Variants in ACTN1 observed in about 807,000 individuals in gnomAD.
ACTN1 encodes the protein alpha-actinin-1.
Under a neutral mutation model 119.6 loss-of-function variants are expected in ACTN1, and 30 were observed. That is an observed-to-expected ratio of 0.25 (90% CI 0.19 to 0.34). The LOEUF is 0.34. Among genes scored for constraint, ACTN1 ranks in the 10% least tolerant of loss-of-function variants. The pLI is 1.00. For synonymous variants in ACTN1, 429 were observed against 472.6 expected (o/e 0.91, Z 1.20); for missense variants, 764 against 1,223.4 (o/e 0.62, Z 5.60).
chr14:68,908,068 C>G (rs568624479), intron 6 of ACTN1, among the ~76,000 whole-genome samples: 14 of 151,830 alleles, frequency 9.2e-5, no homozygotes, highest in African/African-American at 3.1e-4. Context: ...CCTCTTCCCC[C>G]AGGAGGTTAG....
intron 1 of ACTN1, chr14:68,978,667 C>T (rs2037155367): frequency 3.2e-6 from 1 of 316,100 alleles, no homozygotes; most frequent in East Asian, 6.8e-5. Context: ...TTGCAACAGC[C>T]GCAGGGTGGC....
rs549369906 is a variant in ACTN1, at chr14:68,926,303, AAGG to A, written c.106-634_106-632del. 1.5e-3 allele frequency among the ~76,000 whole-genome samples: 227 copies of A among 152,296 alleles called. 1 individual carries two copies. Among genetic ancestry groups the A allele is most frequent in the African/African-American group, 5.1e-3 (211 of 41,548 alleles). ...ATGAAGAGTTCCAGAAAGGGAATGTAAGGAGGTCAAATCAAAGACCATCAGCTT... is the reference window on the plus strand; with the variant it reads ...ATGAAGAGTTCCAGAAAGGGAATGTAAGGTCAAATCAAAGACCATCAGCTT... On this transcript the variant is annotated intron_variant, in intron 1 of 21. Coordinates refer to ENST00000394419, the MANE Select transcript of ACTN1 (RefSeq NM_001130004.2).
chr14:68,917,778 C>T (rs965795961), intron 3 of ACTN1, among the ~76,000 whole-genome samples: 1 of 152,184 alleles, frequency 6.6e-6, no homozygotes, highest in Non-Finnish European at 1.5e-5. Flanking sequence ...TTTAAAGGAA[C>T]TTTTCGTCGG....
At chr14:68,944,794 CA>C (rs1331414687) in intron 1 of ACTN1, among the ~76,000 whole-genome samples, 8 of 152,148 alleles carry the variant, frequency 5.3e-5, no homozygotes, top group African/African-American at 1.7e-4. Flanking sequence ...ACCAAGGCAC[CA>C]GGGGGTCTAC....
Position 68,927,710 on chromosome 14 carries a change from C to T in ACTN1, c.106-2038G>A, listed in dbSNP as rs552617867. ...GCGTATGTACCAAGCATCCTTCCTC[C>T]GCTGCTGGCACTGCAGGAGATGAGA... On this transcript the variant is annotated intron_variant, in intron 1 of 21. Coordinates refer to ENST00000394419, the MANE Select transcript of ACTN1 (RefSeq NM_001130004.2). Among the ~76,000 whole-genome samples, 36 of 152,320 alleles carry T rather than the reference C, an allele frequency of 2.4e-4. 1 individual carries two copies. The South Asian group carries it at 6.6e-3, about 28-fold the overall frequency.
At chr14:68,938,767 G>A (rs746948965) in intron 1 of ACTN1, among the ~76,000 whole-genome samples, 6 of 152,120 alleles carry the variant, frequency 3.9e-5, no homozygotes, top group African/African-American at 7.2e-5. Context: ...CAATGTCAGC[G>A]GTCAGCATGC....
chr14:68,920,868 C>T (rs2034606696), intron 3 of ACTN1, 138 bp downstream of exon 3: 2 of 1,202,740 alleles, frequency 1.7e-6, no homozygotes, highest in Non-Finnish European at 2.3e-6. Context: ...CCACAGGCGA[C>T]CAGATGGAGG....
intron 1 of ACTN1, among the ~76,000 whole-genome samples, chr14:68,929,782 C>T (rs1486652138): frequency 1.3e-5 from 2 of 152,196 alleles, no homozygotes; most frequent in East Asian, 1.9e-4. Flanking sequence ...AGGGAGGGGC[C>T]GCAAAACAGC....
intron 1 of ACTN1, among the ~76,000 whole-genome samples, chr14:68,935,665 C>A (rs2300879): frequency 0.16 from 24,208 of 152,112 alleles, 2,948 homozygotes; most frequent in East Asian, 0.65. Context: ...GGATTACAGG[C>A]ATGAGCCACC....
chr14:68,954,569 G>A lies in ACTN1; in HGVS notation c.105+24383C>T, dbSNP rs373576182. ...TCTCGAACTCCTGACCTCATGATCCGCCCACCTTGGCCTCCCAAAGTGCTG... is the reference window on the plus strand; with the variant it reads ...TCTCGAACTCCTGACCTCATGATCCACCCACCTTGGCCTCCCAAAGTGCTG... On this transcript the variant is annotated intron_variant, in intron 1 of 21. Transcript: ENST00000394419. 5.0e-4 allele frequency among the ~76,000 whole-genome samples: 76 copies of A among 152,030 alleles called. 1 individual carries two copies. The East Asian group carries it at 9.1e-3, about 18-fold the overall frequency.
intron 7 of ACTN1, among the ~76,000 whole-genome samples, chr14:68,903,244 TGC>T (rs1409449069): frequency 6.6e-6 from 1 of 152,230 alleles, no homozygotes; most frequent in South Asian, 2.1e-4. Context: ...TGGGTTTTTA[TGC>T]GTTTGAAAAT....
rs745580045 is a variant in ACTN1 at position 68,877,221 on chromosome 14, C to T, written c.2447G>A (p.Arg816His). 9.9e-6 allele frequency: 16 copies of T among 1,613,992 alleles called. No individual in the cohort carries two copies. Among genetic ancestry groups the T allele is most frequent in the East Asian group, 6.7e-5 (3 of 44,894 alleles). The change falls in exon 21 of 22, where the codon CGC (arginine) becomes CAC (histidine). Residue 816 changes from arginine to histidine, a missense_variant. This residue lies in a region of ACTN1 where 544 missense variants were observed against 912.0 expected (regional missense o/e 0.60). Transcript: ENST00000394419. Reference sequence around the variant, plus strand: ...GTTGGGGTCCACAATGCTCATGATGCGGGCAAATTCTGCTTCTCCCTGGAG... The same window carrying T: ...GTTGGGGTCCACAATGCTCATGATGTGGGCAAATTCTGCTTCTCCCTGGAG... Reference protein sequence around the residue: ...GYNMGEAEFARIMSIVDPNRL... With the variant: ...GYNMGEAEFAHIMSIVDPNRL...
rs753725900 is a variant in ACTN1, at chr14:68,932,513, CTTTTTT to C, written c.106-6847_106-6842del. Among the ~76,000 whole-genome samples, 59 of 87,294 alleles carry C rather than the reference CTTTTTT, an allele frequency of 6.8e-4. 1 individual carries two copies. The highest frequency in any genetic ancestry group is 6.8e-3 in the Middle Eastern group (1 of 148). The allele number at this position is 87,294 out of a possible 152,430, so 57.3% of individuals were successfully genotyped here. ...AGAGAACCCTGACTAATACACCCAG[CTTTTTT>C]TTTTTTTTTTTTTTTTTTTTAATTT... On this transcript the variant is annotated intron_variant, in intron 1 of 21. Transcript: ENST00000394419.
At chr14:68,974,575 C>T (rs886448852) in intron 1 of ACTN1, among the ~76,000 whole-genome samples, 6 of 152,044 alleles carry the variant, frequency 3.9e-5, no homozygotes, top group Non-Finnish European at 7.4e-5. Context: ...CACACACACA[C>T]GTGGCTGAAA....
chr14:68,977,615 G>T, intron 1 of ACTN1: 1 of 266,204 alleles, frequency 3.8e-6, no homozygotes, highest in Non-Finnish European at 7.4e-6. Context: ...CTCCGTTTCA[G>T]GGCCTAGGAT....
chr14:68,966,303 T>C (rs927016648), intron 1 of ACTN1, among the ~76,000 whole-genome samples: 1 of 152,180 alleles, frequency 6.6e-6, no homozygotes, highest in African/African-American at 2.4e-5. Flanking sequence ...ACACAGAATG[T>C]TGGCATCACC....
At chr14:68,934,874 A>C (rs2035412881) in intron 1 of ACTN1, among the ~76,000 whole-genome samples, 1 of 152,378 alleles carries the variant, frequency 6.6e-6, no homozygotes, top group South Asian at 2.1e-4. Flanking sequence ...TGCAAGTTTA[A>C]AACTATGTGG....
chr14:68,924,438 G>C (rs1422839865), intron 2 of ACTN1, among the ~76,000 whole-genome samples: 1 of 152,242 alleles, frequency 6.6e-6, no homozygotes. Context: ...ACAACTGGCA[G>C]AGGATCGAAG....
intron 8 of ACTN1, 119 bp from the exon 9 acceptor site, chr14:68,893,866 TAAGA>T: frequency 2.2e-6 from 2 of 912,274 alleles, no homozygotes; most frequent in South Asian, 3.2e-5. Context: ...GGAAGGGAGT[TAAGA>T]AGGCTGTGAG....
Sources: gnomAD v4.1 joint callset for allele counts (sites outside exome capture counted in the v4.1 genomes callset) on GRCh38, gnomAD v4.1.1 for gene constraint, gnomAD v4.1.1 regional missense constraint, MANE v1.5 for transcripts, NCBI Gene and HGNC (gene_info 2026-07-23, HGNC 2026-07-21) for gene names.